Variants in DLGAP4 observed in about 807,000 individuals in gnomAD.
DLGAP4 encodes DLG associated protein 4, also known as disks large-associated protein 4.
Under a neutral mutation model 86.9 loss-of-function variants are expected in DLGAP4, and 18 were observed. That is an observed-to-expected ratio of 0.21 (90% CI 0.14 to 0.31). The LOEUF (loss-of-function observed/expected upper bound fraction) is 0.31. Ranked by LOEUF, DLGAP4 falls within the 10% of genes least tolerant of loss-of-function variation. DLGAP4 has a pLI of 1.00. For synonymous variants in DLGAP4, 548 were observed against 574.3 expected (o/e 0.95, Z 0.65); for missense variants, 1,085 against 1,362.6 (o/e 0.80, Z 3.21).
chr20:36,446,759 G>A lies in DLGAP4; in HGVS notation c.1470G>A (p.Ala490=), dbSNP rs776836219. 31 of 1,612,858 alleles carry A rather than the reference G, an allele frequency of 1.9e-5. No homozygotes were observed. Among genetic ancestry groups the A allele is most frequent in the South Asian group, 7.7e-5 (7 of 91,020 alleles). The change falls in exon 7 of 13, where the codon GCG becomes GCA. Residue 490 remains alanine (A), a synonymous_variant. Coordinates refer to ENST00000339266, the MANE Select transcript of DLGAP4 (RefSeq NM_001365621.2). ...CCTGCGAGTCAGCCTGCAGTGAAGCGGAGTCCACAGCGGCAGAGACGCTTG... is the reference window on the plus strand; with the variant it reads ...CCTGCGAGTCAGCCTGCAGTGAAGCAGAGTCCACAGCGGCAGAGACGCTTG... ...EAACESACSE[A]ESTAAETLDL...
chr20:36,401,430 G>C (rs750175290), intron 2 of DLGAP4, among the ~76,000 whole-genome samples: 2 of 152,220 alleles, frequency 1.3e-5, no homozygotes, highest in African/African-American at 4.8e-5. Flanking sequence ...TCTTTGCCAC[G>C]TGCTGCTGCT....
chr20:36,332,155 G>T (rs1235788370), intron 1 of DLGAP4, among the ~76,000 whole-genome samples: 3 of 152,092 alleles, frequency 2.0e-5, no homozygotes, highest in African/African-American at 7.2e-5. Flanking sequence ...CCAGGAGAAG[G>T]CTGGGCCAGT....
chr20:36,393,727 G>A lies in DLGAP4; in HGVS notation c.-73+26452G>A, dbSNP rs1211723751. ...GGGCTCTGTGCCTGCACCCTTTGTG[G>A]CACTTTAGCCATATTGTCTTGGAAT... On this transcript the variant is annotated intron_variant, in intron 2 of 12. Transcript: ENST00000339266. The surrounding 1 kb of genome is among the most constrained non-coding windows in gnomAD (Gnocchi z 4.4). Among the ~76,000 whole-genome samples, 1 of 152,166 alleles carries A rather than the reference G, an allele frequency of 6.6e-6. No individual in the cohort carries two copies. Among genetic ancestry groups the A allele is most frequent in the African/African-American group, 2.4e-5 (1 of 41,414 alleles).
chr20:36,487,606 TCC>T (rs2035472968), intron 7 of DLGAP4, among the ~76,000 whole-genome samples: 1 of 152,172 alleles, frequency 6.6e-6, no homozygotes, highest in Admixed American at 6.5e-5. Context: ...CCTTGGACTG[TCC>T]CGCCCTGCTC....
At chr20:36,517,569 G>A (rs6069676) in intron 10 of DLGAP4, among the ~76,000 whole-genome samples, 1 of 151,922 alleles carries the variant, frequency 6.6e-6, no homozygotes, top group Non-Finnish European at 1.5e-5. Context: ...GCCCGGCCTA[G>A]TAGTTTCTTA....
chr20:36,509,925 CAGATCA>C (rs1006145063), intron 10 of DLGAP4, among the ~76,000 whole-genome samples: 3 of 151,550 alleles, frequency 2.0e-5, no homozygotes, highest in Admixed American at 6.6e-5. Flanking sequence ...AGCGTGATCT[CAGATCA>C]CTGCAACCTC....
intron 2 of DLGAP4, among the ~76,000 whole-genome samples, chr20:36,422,222 G>A (rs908215257): frequency 6.6e-6 from 1 of 152,082 alleles, no homozygotes; most frequent in African/African-American, 2.4e-5. Flanking sequence ...GTCCTCCATG[G>A]ACTGCTATGT....
chr20:36,396,831 C>T (rs2032017264), intron 2 of DLGAP4, among the ~76,000 whole-genome samples: 1 of 152,182 alleles, frequency 6.6e-6, no homozygotes, highest in Non-Finnish European at 1.5e-5. Flanking sequence ...CCTCTCAGGG[C>T]GGTTGCATTC....
rs2037881535 is a variant in DLGAP4 at position 36,528,150 on chromosome 20, T to G, written c.*1119T>G. ...TGTAAGCAGCCCTTTTTTTTTTTGG[T>G]CTCCACCCCCCTCCCCCCGCCCCGC... On this transcript the variant is annotated 3_prime_UTR_variant, in exon 13 of 13. Transcript: ENST00000339266. 2 of 149,898 alleles carry G rather than the reference T, an allele frequency of 1.3e-5. No homozygotes were observed. Among genetic ancestry groups the G allele is most frequent in the Admixed American group, 6.6e-5 (1 of 15,068 alleles). The allele number at this position is 149,898 out of a possible 1,614,324, so 9.3% of individuals were successfully genotyped here.
In DLGAP4 at chr20:36,439,824, A is replaced by G. The variant is rs1213710553; in HGVS notation, c.1312A>G (p.Thr438Ala). Residue 438 changes from threonine (T) to alanine (A), a missense_variant, in exon 5 of 13, where the codon ACC becomes GCC. Physicochemically the swap from Thr to Ala is moderately conservative, Grantham distance 58. Around this residue, in one of 2 missense-constraint regions of DLGAP4, gnomAD observed 1,082 missense variants for 1,344.1 expected, o/e 0.81. Coordinates refer to ENST00000339266, the MANE Select transcript of DLGAP4 (RefSeq NM_001365621.2). ...GTGTCCGAGCTGGGAAGAGGACTAC[A>G]CCCCCGTCAGCGACAGCCTCAACGA... ...SKCPSWEEDY[T>A]PVSDSLNDSS... The G allele has an allele frequency of 6.2e-7, 1 of 1,613,026 alleles. No homozygotes were observed. The highest frequency in any genetic ancestry group is 1.3e-5 in the African/African-American group (1 of 74,868).
At chr20:36,437,930 C>T (rs969125670) in intron 4 of DLGAP4, among the ~76,000 whole-genome samples, 2 of 152,118 alleles carry the variant, frequency 1.3e-5, no homozygotes, top group Non-Finnish European at 2.9e-5. Flanking sequence ...ATGTGGGGAA[C>T]AGGGTCTCGC....
At chr20:36,359,555 C>G (rs1555894067) in intron 1 of DLGAP4, among the ~76,000 whole-genome samples, 1 of 152,164 alleles carries the variant, frequency 6.6e-6, no homozygotes, top group Non-Finnish European at 1.5e-5. Context: ...CCCTGCTCAG[C>G]CATTTGCTTG....
At chr20:36,494,731 A>G (rs1215773390) in intron 7 of DLGAP4, among the ~76,000 whole-genome samples, 2 of 152,052 alleles carry the variant, frequency 1.3e-5, no homozygotes, top group Admixed American at 6.6e-5. Flanking sequence ...TTATAGCCAC[A>G]CCTACTTCCC....
At chr20:36,323,502 G>A (rs995658844) in intron 1 of DLGAP4, among the ~76,000 whole-genome samples, 4 of 152,254 alleles carry the variant, frequency 2.6e-5, no homozygotes, top group Middle Eastern at 3.4e-3. Flanking sequence ...CCATTCTATT[G>A]TTGATAGACT....
intron 1 of DLGAP4, among the ~76,000 whole-genome samples, chr20:36,334,331 T>C (rs1600407406): frequency 6.6e-6 from 1 of 151,036 alleles, no homozygotes; most frequent in East Asian, 2.0e-4. Context: ...GTCAGGGAGG[T>C]GTCTGACCAG....
chr20:36,476,127 G>C (rs138158401), intron 7 of DLGAP4, among the ~76,000 whole-genome samples: 3,928 of 151,964 alleles, frequency 0.026, 204 homozygotes, highest in African/African-American at 0.091. Flanking sequence ...CCAAAGTGCT[G>C]GGATTACACA....
chr20:36,494,990 T>TG (rs1439075181), intron 7 of DLGAP4, among the ~76,000 whole-genome samples: 17 of 137,292 alleles, frequency 1.2e-4, no homozygotes, highest in African/African-American at 4.4e-4. Flanking sequence ...TTCGGTTTTT[T>TG]TTTTTTTTTT....
Position 36,308,226 on chromosome 20 carries a change from C to A in DLGAP4, c.-304+1714C>A, listed in dbSNP as rs924752445. 6.6e-6 allele frequency among the ~76,000 whole-genome samples: 1 copy of A among 152,126 alleles called. No homozygotes were observed. Among genetic ancestry groups the A allele is most frequent in the South Asian group, 2.1e-4 (1 of 4,818 alleles). On this transcript the variant is annotated intron_variant, in intron 1 of 12. Transcript: ENST00000339266. This position sits in a 1 kb window ranked among gnomAD's most constrained non-coding sequence, Gnocchi z 4.5. ...GCAACTCAACTTCTGGGAGTGTGCC[C>A]GTGTGTGGTGTCCATGGCGACCCCG...
rs184491575 is a variant in DLGAP4, at chr20:36,346,280, G to A, written c.-303-20765G>A. On this transcript the variant is annotated intron_variant, in intron 1 of 12. Coordinates refer to ENST00000339266, the MANE Select transcript of DLGAP4 (RefSeq NM_001365621.2). ...GGCACTATTGTGGCTGCCTCAGGGG[G>A]TTCAGTGAAGAACTGTGCCATAGCC... Among the ~76,000 whole-genome samples the A allele has an allele frequency of 2.3e-3, 350 of 152,344 alleles. 3 individuals carry two copies. The highest frequency in any genetic ancestry group is 8.0e-3 in the African/African-American group (334 of 41,574).
Sources: allele counts gnomAD v4.1 joint callset (sites outside exome capture counted in the v4.1 genomes callset), GRCh38; gene constraint gnomAD v4.1.1; regional missense constraint gnomAD v4.1.1; non-coding constraint Gnocchi (gnomAD v3.1); transcripts MANE v1.5; gene names NCBI Gene and HGNC (gene_info 2026-07-23, HGNC 2026-07-21).